NEBL: variants seen among roughly 807,000 people sequenced by gnomAD.
NEBL encodes the protein nebulette, also known as LIM and SH3 protein 2.
A neutral mutation model predicts 140.2 loss-of-function variants in NEBL; 122 were observed. The ratio of observed to expected loss-of-function variants is 0.87; its 90% confidence interval spans 0.75 to 1.01. The LOEUF (loss-of-function observed/expected upper bound fraction) is 1.01, where lower values mean the gene tolerates loss of function less well. Among genes scored for constraint, NEBL ranks in the 50% least tolerant of loss-of-function variants. The probability of loss-of-function intolerance (pLI) is 0.00; values close to 1 mark genes in which losing one functional copy is unlikely to be tolerated. For synonymous variants in NEBL, 436 were observed against 398.9 expected (o/e 1.09, Z -1.11); for missense variants, 1,365 against 1,231.3 (o/e 1.11, Z -1.62).
chr10:20,831,538 T>C lies in NEBL; in HGVS notation c.1495A>G (p.Met499Val). 1 of 1,612,600 alleles carries C rather than the reference T, an allele frequency of 6.2e-7. No homozygotes were observed. Among genetic ancestry groups the C allele is most frequent in the Non-Finnish European group, 8.5e-7 (1 of 1,179,310 alleles). The change falls in exon 15 of 28, where the codon ATG (methionine) becomes GTG (valine). Residue 499 changes from methionine to valine, a missense_variant. Transcript: ENST00000377122. The part of the protein sequence containing the change: ...DLETEIKGKG[M>V]QVSTDTLDVQ... ...TCAAGAGTGTCTGTGCTCACCTGCATCCCTTTCCCTTTAATTTCAGTCTCC... is the reference window on the plus strand; with the variant it reads ...TCAAGAGTGTCTGTGCTCACCTGCACCCCTTTCCCTTTAATTTCAGTCTCC...
intron 1 of NEBL, among the ~76,000 whole-genome samples, chr10:21,260,966 C>T (rs1180906066): frequency 2.7e-5 from 4 of 147,646 alleles, no homozygotes; most frequent in Admixed American, 6.7e-5. Flanking sequence ...GGTGTAGACT[C>T]GCAAGCAGGA....
At chr10:21,229,940 C>T (rs139011751) in intron 3 of NEBL, among the ~76,000 whole-genome samples, 12 of 152,322 alleles carry the variant, frequency 7.9e-5, no homozygotes, top group Non-Finnish European at 1.5e-4. Context: ...TTGCCTAGCT[C>T]GGTGCCCTGC....
At chr10:21,024,446 C>T (rs1564483806) in intron 2 of NEBL, among the ~76,000 whole-genome samples, 2 of 151,510 alleles carry the variant, frequency 1.3e-5, no homozygotes, top group Non-Finnish European at 2.9e-5. Flanking sequence ...TGAATTAAAA[C>T]CTGAGGATTG....
chr10:21,215,357 T>C (rs946111708), intron 3 of NEBL, among the ~76,000 whole-genome samples: 2 of 152,196 alleles, frequency 1.3e-5, no homozygotes, highest in Non-Finnish European at 2.9e-5. Flanking sequence ...AATATGTGTT[T>C]GCAATGGGCT....
chr10:21,166,071 T>C (rs1013667183), intron 2 of NEBL, among the ~76,000 whole-genome samples: 1 of 146,398 alleles, frequency 6.8e-6, no homozygotes, highest in African/African-American at 2.6e-5. Flanking sequence ...ATACAAAAAA[T>C]TAGCCGGGCC....
At chr10:21,037,531 CG>C (rs1323938606) in intron 2 of NEBL, among the ~76,000 whole-genome samples, 1 of 151,886 alleles carries the variant, frequency 6.6e-6, no homozygotes, top group African/African-American at 2.4e-5. Context: ...TCATGTGGGT[CG>C]GGTGACAGTC....
intron 2 of NEBL, among the ~76,000 whole-genome samples, chr10:21,037,059 A>G (rs1226355700): frequency 6.6e-6 from 1 of 152,184 alleles, no homozygotes; most frequent in Non-Finnish European, 1.5e-5. Context: ...GCACTTGTAG[A>G]AGCCCACAGT....
intron 19 of NEBL, among the ~76,000 whole-genome samples, chr10:20,820,519 G>C (rs918325596): frequency 1.3e-5 from 2 of 152,150 alleles, no homozygotes; most frequent in African/African-American, 4.8e-5. Context: ...AAGACCTGCA[G>C]GGCCTGCTGA....
At chr10:21,076,892 G>C (rs1468764352) in intron 2 of NEBL, among the ~76,000 whole-genome samples, 1 of 152,100 alleles carries the variant, frequency 6.6e-6, no homozygotes, top group Non-Finnish European at 1.5e-5. Context: ...GAGACAGAAA[G>C]TAAGATGACG....
At chr10:20,989,534 A>C (rs12265978) in intron 3 of NEBL, among the ~76,000 whole-genome samples, 8,407 of 152,258 alleles carry the variant, frequency 0.055, 764 homozygotes, top group African/African-American at 0.19. Context: ...ATAAACAACC[A>C]AAAGAAACCA....
intron 1 of NEBL, among the ~76,000 whole-genome samples, chr10:21,288,832 A>C (rs1394876395): frequency 1.3e-5 from 1 of 76,072 alleles, no homozygotes; most frequent in East Asian, 4.0e-4. Flanking sequence ...ATATATATAT[A>C]TATATATATA....
chr10:21,169,067 A>AAAAAAATAT (rs1554830679), intron 2 of NEBL, among the ~76,000 whole-genome samples: 12 of 23,072 alleles, frequency 5.2e-4, no homozygotes, highest in Non-Finnish European at 6.9e-4. Context: ...AAAAAAAAAA[A>AAAAAAATAT]ATATATATAT....
chr10:21,172,261 A>G, intron 2 of NEBL: 1 of 756,570 alleles, frequency 1.3e-6, no homozygotes, highest in Non-Finnish European at 2.4e-6. Context: ...TGATATAAAC[A>G]GGTAACTGGC....
chr10:21,249,856 G>T (rs1221304779), intron 2 of NEBL, among the ~76,000 whole-genome samples: 1 of 152,022 alleles, frequency 6.6e-6, no homozygotes, highest in Non-Finnish European at 1.5e-5. Context: ...CTGAGGTCAG[G>T]GGTTTGAGAC....
intron 2 of NEBL, among the ~76,000 whole-genome samples, chr10:21,025,275 T>C (rs79737221): frequency 0.018 from 2,706 of 152,292 alleles, 71 homozygotes; most frequent in African/African-American, 0.062. Context: ...GGGAATATGC[T>C]GAAATGTTTA....
chr10:20,842,589 A>T (rs978092552), intron 12 of NEBL, among the ~76,000 whole-genome samples: 5 of 152,136 alleles, frequency 3.3e-5, no homozygotes, highest in Non-Finnish European at 5.9e-5. Context: ...GTTAATTTTT[A>T]AAAAATTCTT....
At chr10:21,058,795 T>C (rs1380424587) in intron 2 of NEBL, among the ~76,000 whole-genome samples, 2 of 152,202 alleles carry the variant, frequency 1.3e-5, no homozygotes, top group East Asian at 3.9e-4. Context: ...TATAATTTAG[T>C]TCATTTCAGA....
At chr10:20,939,943 T>C (rs1404601488) in intron 4 of NEBL, among the ~76,000 whole-genome samples, 34 of 151,888 alleles carry the variant, frequency 2.2e-4, no homozygotes, top group Non-Finnish European at 4.4e-4. Flanking sequence ...AGCAAGTCCT[T>C]AGAGACCCAG....
chr10:21,129,874 C>T (rs1167711186), intron 2 of NEBL, among the ~76,000 whole-genome samples: 4 of 151,854 alleles, frequency 2.6e-5, no homozygotes, highest in Non-Finnish European at 2.9e-5. Context: ...GTAATAAATA[C>T]GGCAGATATT....
Sources: gnomAD v4.1 joint callset for allele counts (sites outside exome capture counted in the v4.1 genomes callset) on GRCh38, gnomAD v4.1.1 for gene constraint, MANE v1.5 for transcripts, NCBI Gene and HGNC (gene_info 2026-07-23, HGNC 2026-07-21) for gene names.